PNPLA3: variants seen among roughly 807,000 people sequenced by gnomAD.
PNPLA3 encodes 1-acylglycerol-3-phosphate O-acyltransferase PNPLA3.
In PNPLA3, 42 loss-of-function variants were observed where a neutral mutation model predicts 43.1. The ratio of observed to expected loss-of-function variants is 0.97; its 90% CI spans 0.76 to 1.26. The LOEUF (loss-of-function observed/expected upper bound fraction) is 1.26, where lower values mean the gene tolerates loss of function less well. Ranked by LOEUF, PNPLA3 falls within the 50% of genes most tolerant of loss-of-function variation. The pLI is 0.00. For synonymous variants in PNPLA3, 272 were observed against 253.6 expected (o/e 1.07, Z -0.69); for missense variants, 647 against 621.4 (o/e 1.04, Z -0.44).
Position 43,934,615 on chromosome 22 carries a change from G to A in PNPLA3, c.706G>A (p.Glu236Lys), listed in dbSNP as rs747430902. 6.2e-7 allele frequency: 1 copy of A among 1,613,868 alleles called. No individual in the cohort carries two copies. Among genetic ancestry groups the A allele is most frequent in the East Asian group, 2.2e-5 (1 of 44,862 alleles). Residue 236 changes from glutamate to lysine, a missense_variant, in exon 5 of 9, where the codon GAG becomes AAG. Physicochemically the swap from Glu to Lys is moderately conservative, Grantham distance 56 (BLOSUM62 1). Coordinates refer to ENST00000216180, the MANE Select transcript of PNPLA3 (RefSeq NM_025225.3). ...CTTGCTTTGCTCACAGGTGCTGGGA[G>A]AGATATGCCTTCGAGGATATTTGGA... The part of the protein sequence containing the change: ...FVPPDLKVLG[E>K]ICLRGYLDAF...
At chr22:43,935,140 T>TC (rs1359232438) in intron 5 of PNPLA3, among the ~76,000 whole-genome samples, 2 of 152,162 alleles carry the variant, frequency 1.3e-5, no homozygotes, top group African/African-American at 4.8e-5. Flanking sequence ...ATTTCTGCCT[T>TC]CAAGTCATCC....
chr22:43,937,240 T>A lies in PNPLA3; in HGVS notation c.947T>A (p.Ile316Asn). ...AGCATCCTGCCCTGGGATGAGAGCA[T>A]CCTGGACACCCTCTCGCCCAGGCTC... ...RLSILPWDES[I>N]LDTLSPRLAT... The change falls in exon 6 of 9, where the codon ATC (isoleucine) becomes AAC (asparagine). Residue 316 changes from isoleucine (I) to asparagine (N), a missense_variant. By Grantham distance (149) the Ile-to-Asn change is moderately radical. Transcript: ENST00000216180. 1 of 1,614,072 alleles carries A rather than the reference T, an allele frequency of 6.2e-7. No individual in the cohort carries two copies. The highest frequency in any genetic ancestry group is 8.5e-7 in the Non-Finnish European group (1 of 1,180,030).
At chr22:43,931,549 G>A (rs961139100) in intron 3 of PNPLA3, among the ~76,000 whole-genome samples, 2 of 152,080 alleles carry the variant, frequency 1.3e-5, no homozygotes, top group Non-Finnish European at 2.9e-5. Flanking sequence ...GAGTCTCACT[G>A]TATCACCTAG....
At chr22:43,937,336 A>T in intron 6 of PNPLA3, 64 bp downstream of exon 6, 1 of 1,472,964 alleles carries the variant, frequency 6.8e-7, no homozygotes, top group Admixed American at 1.8e-5. Flanking sequence ...TTATGGAGGA[A>T]GATGGTACTG....
At chr22:43,942,611 C>T (rs560117604) in intron 7 of PNPLA3, among the ~76,000 whole-genome samples, 1 of 152,060 alleles carries the variant, frequency 6.6e-6, no homozygotes, top group Non-Finnish European at 1.5e-5. Context: ...CTGGAGACCC[C>T]TTCAGTCAAA....
intron 8 of PNPLA3, among the ~76,000 whole-genome samples, chr22:43,945,483 T>C (rs2146793030): frequency 6.6e-6 from 1 of 152,176 alleles, no homozygotes; most frequent in East Asian, 1.9e-4. Flanking sequence ...CCCCATCCCC[T>C]CAATGGGTTT....
intron 7 of PNPLA3, among the ~76,000 whole-genome samples, chr22:43,941,762 G>T (rs941266036): frequency 6.6e-6 from 1 of 152,038 alleles, no homozygotes; most frequent in African/African-American, 2.4e-5. Context: ...GACCTCAGTG[G>T]GTTGTCTGAC....
chr22:43,927,676 G>GGA (rs1569009410), intron 2 of PNPLA3, among the ~76,000 whole-genome samples: 3 of 131,362 alleles, frequency 2.3e-5, no homozygotes, highest in African/African-American at 8.2e-5. Flanking sequence ...GGGGGGCGGG[G>GGA]TACAGAGTCT....
chr22:43,944,822 G>C, intron 8 of PNPLA3, 27 bp downstream of exon 8: 1 of 1,576,436 alleles, frequency 6.3e-7, no homozygotes, highest in East Asian at 2.2e-5. Flanking sequence ...TGGGTGTGTG[G>C]GCCGGACGGG....
chr22:43,925,341 G>A (rs1345444437), intron 1 of PNPLA3, among the ~76,000 whole-genome samples: 1 of 152,024 alleles, frequency 6.6e-6, no homozygotes, highest in African/African-American at 2.4e-5. Flanking sequence ...AACTACTGGG[G>A]TGTGGTATGC....
chr22:43,934,832 T>C (rs1392340812), intron 5 of PNPLA3, among the ~76,000 whole-genome samples, 166 bp downstream of exon 5: 15 of 151,936 alleles, frequency 9.9e-5, no homozygotes, highest in African/African-American at 3.4e-4. Flanking sequence ...TCCGTCCCAT[T>C]GTACAGATGG....
chr22:43,930,222 C>T (rs1462550513), intron 3 of PNPLA3, among the ~76,000 whole-genome samples: 2 of 152,160 alleles, frequency 1.3e-5, no homozygotes, highest in Non-Finnish European at 2.9e-5. Context: ...CTGTGGGGAA[C>T]TTGAGAGTCA....
At chr22:43,930,393 A>G (rs922552903) in intron 3 of PNPLA3, among the ~76,000 whole-genome samples, 15 of 152,174 alleles carry the variant, frequency 9.9e-5, no homozygotes, top group Non-Finnish European at 4.4e-5. Flanking sequence ...GTGCCCAGCT[A>G]CTGAGTGACC....
chr22:43,941,509 G>A (rs2050031124), intron 7 of PNPLA3, among the ~76,000 whole-genome samples: 1 of 152,166 alleles, frequency 6.6e-6, no homozygotes, highest in Non-Finnish European at 1.5e-5. Flanking sequence ...AGCAGAGGGT[G>A]GTCAGGAGAC....
rs769497493 is a variant in PNPLA3, at chr22:43,924,091, C to G, written c.180C>G (p.Ile60Met). ...ACTGCGTCGGCGTCCTCTCCGGTAT[C>G]CCGCTGGGTGCGTCTGGGGACGCTG... The part of the protein sequence containing the change: ...ALHCVGVLSG[I>M]PLEQTLQVLS... Residue 60 changes from isoleucine to methionine, a missense_variant, in exon 1 of 9, where the codon ATC (isoleucine) becomes ATG (methionine). Physicochemically the swap from Ile to Met is conservative, Grantham distance 10. Transcript: ENST00000216180. 9.0e-6 allele frequency: 14 copies of G among 1,556,710 alleles called. No homozygotes were observed. Among genetic ancestry groups the G allele is most frequent in the Admixed American group, 3.6e-5 (2 of 55,064 alleles).
intron 2 of PNPLA3, 67 bp from the exon 3 acceptor site, chr22:43,928,757 T>TTA: frequency 6.8e-7 from 1 of 1,467,180 alleles, no homozygotes; most frequent in Non-Finnish European, 9.5e-7. Flanking sequence ...TGGAGAAAGC[T>TTA]TATGAAGGAT....
chr22:43,925,963 C>G (rs1269596360), intron 1 of PNPLA3, among the ~76,000 whole-genome samples: 1 of 152,168 alleles, frequency 6.6e-6, no homozygotes, highest in East Asian at 1.9e-4. Flanking sequence ...CACAGGGAGG[C>G]TCAGGAACCA....
rs2049927977 is a variant in PNPLA3, at chr22:43,927,060, A to G, written c.313A>G (p.Asn105Asp). ...GGGTCTCTGCAAATGCCTCCCGGCCAATGTCCACCAGCTCATCTCCGGCAA... is the reference window on the plus strand; with the variant it reads ...GGGTCTCTGCAAATGCCTCCCGGCCGATGTCCACCAGCTCATCTCCGGCAA... ...RQGLCKCLPA[N>D]VHQLISGKIG... The change falls in exon 2 of 9, where the codon AAT becomes GAT. Residue 105 changes from asparagine (N) to aspartate (D), a missense_variant. Transcript: ENST00000216180. The G allele has an allele frequency of 1.2e-6, 2 of 1,614,148 alleles. No homozygotes were observed. Among genetic ancestry groups the G allele is most frequent in the Non-Finnish European group, 1.7e-6 (2 of 1,180,052 alleles).
At chr22:43,945,169 G>A (rs1195567834) in intron 8 of PNPLA3, among the ~76,000 whole-genome samples, 1 of 152,220 alleles carries the variant, frequency 6.6e-6, no homozygotes, top group Non-Finnish European at 1.5e-5. Context: ...AGGAGCTCTG[G>A]CACCCATGGC....
Sources: gnomAD v4.1 joint callset for allele counts (sites outside exome capture counted in the v4.1 genomes callset) on GRCh38, gnomAD v4.1.1 for gene constraint, MANE v1.5 for transcripts, NCBI Gene and HGNC (gene_info 2026-07-23, HGNC 2026-07-21) for gene names.